GRAMD2B: variants seen among roughly 807,000 people sequenced by gnomAD.
GRAMD2B encodes GRAM domain containing 2B.
Under a neutral mutation model 59.2 loss-of-function variants are expected in GRAMD2B, and 41 were observed. The observed-to-expected ratio is 0.69, with a 90% CI of 0.54 to 0.90. The LOEUF is 0.90. Ranked by LOEUF, GRAMD2B falls within the 40% of genes least tolerant of loss-of-function variation. GRAMD2B has a pLI of 0.00. For synonymous variants in GRAMD2B, 161 were observed against 182.7 expected (o/e 0.88, Z 0.96); for missense variants, 424 against 500.5 (o/e 0.85, Z 1.46).
chr5:126,384,244 C>G (rs1023570174), intron 1 of GRAMD2B, among the ~76,000 whole-genome samples: 1 of 152,134 alleles, frequency 6.6e-6, no homozygotes, highest in African/African-American at 2.4e-5. Context: ...GTGACTGACA[C>G]AGATCCGGGA....
intron 1 of GRAMD2B, among the ~76,000 whole-genome samples, chr5:126,460,659 C>T (rs902030897): frequency 1.3e-5 from 2 of 152,166 alleles, no homozygotes; most frequent in Non-Finnish European, 2.9e-5. Context: ...TCTTTGCTTC[C>T]CAAGTATCGT....
At chr5:126,488,933 G>C in intron 13 of GRAMD2B, 41 bp downstream of exon 13, 1 of 1,444,034 alleles carries the variant, frequency 6.9e-7, no homozygotes, top group Middle Eastern at 1.7e-4. Context: ...AGTCACAGTA[G>C]TGCCTGTTGG....
At chr5:126,372,209 C>G (rs574944996) in intron 1 of GRAMD2B, among the ~76,000 whole-genome samples, 2 of 152,050 alleles carry the variant, frequency 1.3e-5, no homozygotes, top group African/African-American at 4.8e-5. Flanking sequence ...TTCATTTTGT[C>G]TCATTATATT....
At chr5:126,370,215 T>G (rs1754675318), upstream of GRAMD2B, among the ~76,000 whole-genome samples, 1 of 152,184 alleles carries the variant, frequency 6.6e-6, no homozygotes, top group African/African-American at 2.4e-5. Flanking sequence ...TAATGTAATA[T>G]CACTGAAAGA....
chr5:126,388,266 AGG>A (rs1046901117), intron 1 of GRAMD2B, among the ~76,000 whole-genome samples: 39 of 152,198 alleles, frequency 2.6e-4, no homozygotes, highest in African/African-American at 8.7e-4. Context: ...CCAGCTGCTT[AGG>A]GAGTTGAGGC....
At chr5:126,490,013 A>G (rs1045653768) in intron 13 of GRAMD2B, among the ~76,000 whole-genome samples, 5 of 152,226 alleles carry the variant, frequency 3.3e-5, no homozygotes, top group African/African-American at 1.2e-4. Flanking sequence ...TTAAGAGCAA[A>G]GGAGTTTCCA....
intron 1 of GRAMD2B, among the ~76,000 whole-genome samples, chr5:126,434,163 A>G (rs973365746): frequency 1.3e-5 from 2 of 152,212 alleles, no homozygotes; most frequent in African/African-American, 4.8e-5. Flanking sequence ...CCAATTCAAC[A>G]TTTATTACTT....
At chr5:126,380,253 T>C (rs1488523625) in intron 1 of GRAMD2B, among the ~76,000 whole-genome samples, 1 of 152,204 alleles carries the variant, frequency 6.6e-6, no homozygotes, top group Non-Finnish European at 1.5e-5. Context: ...TTTATTCTGC[T>C]CCATTGGTCT....
At chr5:126,408,525 T>A (rs1758463044) in intron 1 of GRAMD2B, among the ~76,000 whole-genome samples, 1 of 151,684 alleles carries the variant, frequency 6.6e-6, no homozygotes, top group Admixed American at 6.6e-5. Context: ...GGTTGGTTGT[T>A]TTTTATTTTT....
intron 1 of GRAMD2B, among the ~76,000 whole-genome samples, chr5:126,403,131 T>C (rs570028542): frequency 1.3e-5 from 2 of 152,090 alleles, no homozygotes; most frequent in East Asian, 3.9e-4. Context: ...TGAATACCAT[T>C]TGACTAATAT....
At chr5:126,471,792 CACA>C (rs1769636867) in intron 3 of GRAMD2B, among the ~76,000 whole-genome samples, 2 of 152,184 alleles carry the variant, frequency 1.3e-5, no homozygotes, top group Admixed American at 1.3e-4. Flanking sequence ...GCCATGGTCA[CACA>C]ACAAGAGCTA....
At chr5:126,368,725 A>G (rs554805060), upstream of GRAMD2B, among the ~76,000 whole-genome samples, 1 of 152,292 alleles carries the variant, frequency 6.6e-6, no homozygotes, top group Non-Finnish European at 1.5e-5. Context: ...CCTGCTCTAG[A>G]CTTTCAGAAA....
chr5:126,470,709 C>T (rs146477251), intron 3 of GRAMD2B, among the ~76,000 whole-genome samples: 7,802 of 152,010 alleles, frequency 0.051, 267 homozygotes, highest in African/African-American at 0.1. Flanking sequence ...CAGATGTGCA[C>T]CACCACACCC....
intron 1 of GRAMD2B, among the ~76,000 whole-genome samples, chr5:126,403,781 T>A (rs879835020): frequency 6.6e-6 from 1 of 151,926 alleles, no homozygotes; most frequent in African/African-American, 2.4e-5. Context: ...CATAAAAGTC[T>A]CTAAACTTTC....
At chr5:126,401,349 G>C (rs1757819238) in intron 1 of GRAMD2B, among the ~76,000 whole-genome samples, 1 of 151,884 alleles carries the variant, frequency 6.6e-6, no homozygotes, top group Non-Finnish European at 1.5e-5. Context: ...TTGTTTTTCT[G>C]AGTCAGTAAG....
At chr5:126,406,680 G>A (rs1368681623) in intron 1 of GRAMD2B, among the ~76,000 whole-genome samples, 1 of 151,968 alleles carries the variant, frequency 6.6e-6, no homozygotes, top group Non-Finnish European at 1.5e-5. Context: ...GTAACCCCTG[G>A]ATACCCAAGG....
chr5:126,480,198 C>G (rs779397323), intron 6 of GRAMD2B: 4 of 373,434 alleles, frequency 1.1e-5, no homozygotes, highest in South Asian at 4.8e-5. Flanking sequence ...GCTTTTGGAG[C>G]CTTCATTTTG....
chr5:126,369,082 T>C (rs1394292912), upstream of GRAMD2B, among the ~76,000 whole-genome samples: 1 of 152,172 alleles, frequency 6.6e-6, no homozygotes, highest in African/African-American at 2.4e-5. Context: ...CTCTCCACTC[T>C]CCACTCTCAC....
At chr5:126,396,000 G>C (rs1028144696) in intron 1 of GRAMD2B, among the ~76,000 whole-genome samples, 5 of 152,108 alleles carry the variant, frequency 3.3e-5, no homozygotes. Context: ...CAAATGTGAA[G>C]TATACAATAT....
Sources: gnomAD v4.1 joint callset for allele counts (sites outside exome capture counted in the v4.1 genomes callset) on GRCh38, gnomAD v4.1.1 for gene constraint, MANE v1.5 for transcripts, NCBI Gene and HGNC (gene_info 2026-07-23, HGNC 2026-07-21) for gene names.